TMEM74: variants seen among roughly 807,000 people sequenced by gnomAD.
TMEM74 encodes transmembrane protein 74.
A neutral mutation model predicts 18.1 loss-of-function variants in TMEM74; 13 were observed. The observed-to-expected ratio is 0.72, with a 90% CI of 0.47 to 1.14. The LOEUF is 1.14. Among genes scored for constraint, TMEM74 ranks in the 50% most tolerant of loss-of-function variants. The pLI is 0.00. For synonymous variants in TMEM74, 159 were observed against 146.6 expected, an observed-to-expected ratio of 1.08 and a Z score of -0.61; for missense variants, 372 against 375.9, an observed-to-expected ratio of 0.99 and a Z score of 0.09.
Position 108,779,459 on chromosome 8 carries a change from A to G in TMEM74, c.*4722T>C, listed in dbSNP as rs569472273. On this transcript the variant is annotated 3_prime_UTR_variant, in exon 2 of 2. Coordinates refer to ENST00000297459, the MANE Select transcript of TMEM74 (RefSeq NM_153015.3). ...TATACTCCCCATAGTCCCCTGAAAT[A>G]AAATAACAATTCACGGTAAAATAAT... 2.0e-5 allele frequency among the ~76,000 whole-genome samples: 3 copies of G among 152,310 alleles called. No individual in the cohort carries two copies. Among genetic ancestry groups the G allele is most frequent in the South Asian group, 4.1e-4 (2 of 4,828 alleles).
At chr8:108,640,668 A>G (rs1812657095) in intron 2 of TMEM74, among the ~76,000 whole-genome samples, 1 of 152,082 alleles carries the variant, frequency 6.6e-6, no homozygotes, top group African/African-American at 2.4e-5. Flanking sequence ...TCACAGTAAT[A>G]TCTTTTATAT....
rs1814286994 is a variant in TMEM74, at chr8:108,780,243, T to G, written c.*3938A>C. 6.6e-6 allele frequency among the ~76,000 whole-genome samples: 1 copy of G among 152,202 alleles called. No individual in the cohort carries two copies. The highest frequency in any genetic ancestry group is 1.5e-5 in the Non-Finnish European group (1 of 68,026). ...TTAATTGCTGCAATGAAATCTGACC[T>G]TCAGGTTGAAAAACCTTCTCCTAAG... On this transcript the variant is annotated 3_prime_UTR_variant, in exon 2 of 2. Coordinates refer to ENST00000297459, the MANE Select transcript of TMEM74 (RefSeq NM_153015.3).
At chr8:108,698,310 T>C (rs911989391) in intron 1 of TMEM74, among the ~76,000 whole-genome samples, 1 of 152,222 alleles carries the variant, frequency 6.6e-6, no homozygotes, top group Non-Finnish European at 1.5e-5. Flanking sequence ...GAAAATTAAC[T>C]ATTAGACTGG....
chr8:108,753,964 T>C (rs1214057151), intron 1 of TMEM74, among the ~76,000 whole-genome samples: 2 of 152,064 alleles, frequency 1.3e-5, no homozygotes, highest in Non-Finnish European at 2.9e-5. Context: ...TTACCTGGAG[T>C]GTTTGTTAAA....
chr8:108,639,799 G>A (rs1812645067), intron 2 of TMEM74, among the ~76,000 whole-genome samples: 1 of 152,136 alleles, frequency 6.6e-6, no homozygotes, highest in Non-Finnish European at 1.5e-5. Flanking sequence ...AAGTTTCCTC[G>A]ATCGGGAATA....
intron 1 of TMEM74, among the ~76,000 whole-genome samples, chr8:108,725,345 T>G (rs1813626615): frequency 6.6e-6 from 1 of 152,220 alleles, no homozygotes; most frequent in Non-Finnish European, 1.5e-5. Flanking sequence ...AAGAGATGCC[T>G]TGTTCATCTC....
chr8:108,784,803 A>G lies in TMEM74; in HGVS notation c.296T>C (p.Val99Ala). ...GNNQITAERK[V>A]CNCCSQELET... is the part of the protein sequence containing the mutation. Reference sequence around the variant, plus strand: ...TAATTCCTGGCTGCAGCAGTTACAGACTTTCCGTTCCGCTGTTATTTGGTT... The same window carrying G: ...TAATTCCTGGCTGCAGCAGTTACAGGCTTTCCGTTCCGCTGTTATTTGGTT... The change falls in exon 2 of 2, where the codon GTC becomes GCC. Residue 99 changes from valine to alanine, a missense_variant. Coordinates refer to ENST00000297459, the MANE Select transcript of TMEM74 (RefSeq NM_153015.3). The G allele has an allele frequency of 6.2e-7, 1 of 1,614,170 alleles. No individual in the cohort carries two copies. The highest frequency in any genetic ancestry group is 8.5e-7 in the Non-Finnish European group (1 of 1,180,030).
rs200507890 is a variant in TMEM74, at chr8:108,754,572, GC to G, written n.119+32903del. On this transcript the variant is annotated intron_variant and non_coding_transcript_variant, in intron 1 of 3. Transcript: ENST00000518838. The stretch of plus-strand genomic sequence containing the variant: ...GCAGACTATTCTAAAGACTCTTCTT[GC>G]CAACTTTATGAAGTTAGTGGCTGTA... 6.3e-3 allele frequency among the ~76,000 whole-genome samples: 958 copies of G among 151,946 alleles called. 14 individuals are homozygous for G. The highest frequency in any genetic ancestry group is 0.021 in the African/African-American group (889 of 41,476).
intron 1 of TMEM74, among the ~76,000 whole-genome samples, chr8:108,673,919 A>G (rs1813028677): frequency 6.6e-6 from 1 of 152,198 alleles, no homozygotes; most frequent in Non-Finnish European, 1.5e-5. Flanking sequence ...TGGGTATGGC[A>G]AATATAGTTC....
At chr8:108,719,324 G>C (rs530769322) in intron 1 of TMEM74, among the ~76,000 whole-genome samples, 1 of 152,046 alleles carries the variant, frequency 6.6e-6, no homozygotes, top group East Asian at 1.9e-4. Context: ...AATTAATTTT[G>C]TTAAATATAC....
intron 1 of TMEM74, among the ~76,000 whole-genome samples, chr8:108,700,832 A>C (rs1003650974): frequency 2.2e-4 from 33 of 152,210 alleles, no homozygotes; most frequent in African/African-American, 7.7e-4. Flanking sequence ...TGGCAGAGCC[A>C]ATCTCAAAAT....
chr8:108,720,436 T>C (rs1195873580), intron 1 of TMEM74, among the ~76,000 whole-genome samples: 3 of 152,230 alleles, frequency 2.0e-5, no homozygotes, highest in Non-Finnish European at 2.9e-5. Context: ...AAACCTATTA[T>C]GAGATGCCAC....
chr8:108,754,290 G>T (rs1478680144), intron 1 of TMEM74, among the ~76,000 whole-genome samples: 1 of 151,898 alleles, frequency 6.6e-6, no homozygotes, highest in Admixed American at 6.6e-5. Context: ...ACTGTTAATA[G>T]ATTTTTAAAT....
intron 2 of TMEM74, among the ~76,000 whole-genome samples, chr8:108,630,048 T>C (rs1181479171): frequency 1.3e-5 from 2 of 152,000 alleles, no homozygotes; most frequent in Non-Finnish European, 2.9e-5. Flanking sequence ...GCAAATTGGA[T>C]AAATAATCAA....
chr8:108,704,517 A>G (rs1423263014), intron 1 of TMEM74, among the ~76,000 whole-genome samples: 3 of 151,916 alleles, frequency 2.0e-5, no homozygotes, highest in African/African-American at 4.8e-5. Flanking sequence ...TACACTCTTT[A>G]TTTATAAATT....
intron 1 of TMEM74, among the ~76,000 whole-genome samples, chr8:108,742,148 G>A (rs1813807199): frequency 6.6e-6 from 1 of 152,048 alleles, no homozygotes; most frequent in African/African-American, 2.4e-5. Flanking sequence ...GTCGGGTTGA[G>A]GGTGGGAGGA....
At chr8:108,745,025 C>T (rs2130648709) in intron 1 of TMEM74, among the ~76,000 whole-genome samples, 1 of 152,216 alleles carries the variant, frequency 6.6e-6, no homozygotes, top group Non-Finnish European at 1.5e-5. Context: ...ACATTTAGAG[C>T]AAAAGGGCCT....
intron 1 of TMEM74, among the ~76,000 whole-genome samples, chr8:108,682,810 A>G (rs1010430316): frequency 1.3e-5 from 2 of 152,032 alleles, no homozygotes; most frequent in African/African-American, 2.4e-5. Context: ...AGCACACACT[A>G]TGGACCAACT....
chr8:108,613,297 T>A (rs1289546434), intron 2 of TMEM74, among the ~76,000 whole-genome samples: 1 of 152,128 alleles, frequency 6.6e-6, no homozygotes, highest in African/African-American at 2.4e-5. Context: ...AGGAGGCAGC[T>A]CCAGCCAGGG....
Sources: gnomAD v4.1 joint callset for allele counts (sites outside exome capture counted in the v4.1 genomes callset) on GRCh38, gnomAD v4.1.1 for gene constraint, MANE v1.5 for transcripts, NCBI Gene and HGNC (gene_info 2026-07-23, HGNC 2026-07-21) for gene names.